Variants in AGMO observed in about 807,000 individuals in gnomAD.
The protein encoded by AGMO is glyceryl-ether monooxygenase.
A neutral mutation model predicts 60.2 loss-of-function variants in AGMO; 75 were observed. The observed-to-expected ratio is 1.25, with a 90% CI of 1.03 to 1.51. AGMO has a LOEUF of 1.51. AGMO is among the 40% of genes most tolerant of loss of function. AGMO has a pLI of 0.00. For synonymous variants in AGMO, 261 were observed against 177.1 expected (o/e 1.47, Z -3.76); for missense variants, 763 against 525.5 (o/e 1.45, Z -4.42).
chr7:15,421,584 G>A (rs971350607), intron 4 of AGMO, among the ~76,000 whole-genome samples: 1 of 152,108 alleles, frequency 6.6e-6, no homozygotes, highest in Non-Finnish European at 1.5e-5. Flanking sequence ...CATAGGAGTT[G>A]AGAGGTAAAT....
intron 10 of AGMO, among the ~76,000 whole-genome samples, chr7:15,380,395 G>T (rs186941244): frequency 3.3e-5 from 5 of 152,150 alleles, no homozygotes; most frequent in South Asian, 2.1e-4. Context: ...AATTAGGAAT[G>T]AACTCCCATT....
At chr7:15,151,695 T>A in the AGMO span, among the ~76,000 whole-genome samples, 20 of 152,276 alleles carry the variant, frequency 1.3e-4, no homozygotes, top group East Asian at 7.7e-4. Flanking sequence ...TGGGTCTTTT[T>A]AAAAATCTGT....
At chr7:15,165,632 A>G in the AGMO span, among the ~76,000 whole-genome samples, 1 of 152,216 alleles carries the variant, frequency 6.6e-6, no homozygotes, top group Non-Finnish European at 1.5e-5. Context: ...TGTAAAGAGT[A>G]GCATATCTGA....
intron 3 of AGMO, among the ~76,000 whole-genome samples, chr7:15,488,754 T>C (rs2128520124): frequency 6.6e-6 from 1 of 152,262 alleles, no homozygotes; most frequent in African/African-American, 2.4e-5. Context: ...AGAAAGATTT[T>C]ACATTTGCAT....
At chr7:15,323,709 A>G (rs535324859) in intron 12 of AGMO, among the ~76,000 whole-genome samples, 75 of 152,320 alleles carry the variant, frequency 4.9e-4, no homozygotes, top group African/African-American at 1.8e-3. Context: ...GGGATGGAAA[A>G]GACTGCCTCC....
the AGMO span, among the ~76,000 whole-genome samples, chr7:15,137,125 T>C: frequency 6.6e-6 from 1 of 152,198 alleles, no homozygotes; most frequent in East Asian, 1.9e-4. Flanking sequence ...TTCAAAATTA[T>C]TTTATCTTAG....
chr7:15,124,735 A>G, the AGMO span, among the ~76,000 whole-genome samples: 1 of 152,094 alleles, frequency 6.6e-6, no homozygotes, highest in East Asian at 1.9e-4. Context: ...CATTTGATTC[A>G]GGGATAATAT....
intron 3 of AGMO, among the ~76,000 whole-genome samples, chr7:15,532,368 G>A (rs548686970): frequency 3.3e-5 from 5 of 152,270 alleles, no homozygotes; most frequent in South Asian, 4.1e-4. Flanking sequence ...ATGTATTAAG[G>A]CTCTGGTGCA....
intron 12 of AGMO, among the ~76,000 whole-genome samples, chr7:15,359,582 A>G (rs972468124): frequency 6.6e-6 from 1 of 152,178 alleles, no homozygotes; most frequent in Non-Finnish European, 1.5e-5. Context: ...AGTCCAATGA[A>G]CAAAGGTAAT....
intron 4 of AGMO, among the ~76,000 whole-genome samples, chr7:15,428,856 T>C (rs894675366): frequency 4.0e-4 from 61 of 152,100 alleles, no homozygotes; most frequent in Admixed American, 2.6e-4. Flanking sequence ...TTCAGTTGTC[T>C]TTAATAAAAG....
rs543052626 is a variant in AGMO at position 15,276,601 on chromosome 7, T to G, written c.1264-75242A>C. Reference sequence around the variant, plus strand: ...TACATCTCTAGCAAAATCAAGAAAATTTTTCTTCATTATTCACTCAAATGT... The same window carrying G: ...TACATCTCTAGCAAAATCAAGAAAAGTTTTCTTCATTATTCACTCAAATGT... On this transcript the variant is annotated intron_variant, in intron 12 of 12. Transcript: ENST00000342526. 1.4e-4 allele frequency among the ~76,000 whole-genome samples: 22 copies of G among 152,274 alleles called. No homozygotes were observed. The South Asian group carries it at 4.3e-3, about 30-fold the overall frequency.
chr7:15,411,827 A>G (rs1780618773), intron 5 of AGMO, among the ~76,000 whole-genome samples: 1 of 152,072 alleles, frequency 6.6e-6, no homozygotes, highest in South Asian at 2.1e-4. Flanking sequence ...TGTGTTATTT[A>G]AAAGATAAAT....
chr7:15,426,158 C>T (rs1044624710), intron 4 of AGMO, among the ~76,000 whole-genome samples: 5 of 152,058 alleles, frequency 3.3e-5, no homozygotes, highest in African/African-American at 1.2e-4. Flanking sequence ...ACACATTCTA[C>T]CTTTTATTAG....
At chr7:15,552,154 T>TTCCTTAC (rs1784981278) in intron 2 of AGMO, among the ~76,000 whole-genome samples, 1 of 152,156 alleles carries the variant, frequency 6.6e-6, no homozygotes. Flanking sequence ...CCTTACACCC[T>TTCCTTAC]ATACAAAAAT....
At chr7:15,431,228 T>A (rs2128498380) in intron 3 of AGMO, 120 bp from the exon 4 acceptor site, 1 of 670,836 alleles carries the variant, frequency 1.5e-6, no homozygotes, top group Non-Finnish European at 2.6e-6. Context: ...CTGTAAAAGC[T>A]GGCCAATATA....
At chr7:15,473,003 T>C (rs1052300634) in intron 3 of AGMO, among the ~76,000 whole-genome samples, 1 of 151,916 alleles carries the variant, frequency 6.6e-6, no homozygotes, top group Admixed American at 6.6e-5. Context: ...AAGCTAATTT[T>C]CCTCAGTGTA....
At chr7:15,323,952 A>G (rs981481963) in intron 12 of AGMO, among the ~76,000 whole-genome samples, 2 of 152,234 alleles carry the variant, frequency 1.3e-5, no homozygotes, top group Admixed American at 6.5e-5. Context: ...TTAAAACTCA[A>G]GCTTGCCGCA....
chr7:15,517,126 G>T (rs1583635945), intron 3 of AGMO, among the ~76,000 whole-genome samples: 1 of 152,110 alleles, frequency 6.6e-6, no homozygotes, highest in African/African-American at 2.4e-5. Flanking sequence ...TAATGATTTT[G>T]AAAGTGTGTA....
chr7:15,314,099 GATA>G, intron 12 of AGMO, among the ~76,000 whole-genome samples: 1 of 152,152 alleles, frequency 6.6e-6, no homozygotes, highest in East Asian at 1.9e-4. Context: ...GTCAGCAGCA[GATA>G]ATGTTGATGA....
Sources: allele counts gnomAD v4.1 joint callset (sites outside exome capture counted in the v4.1 genomes callset), GRCh38; gene constraint gnomAD v4.1.1; transcripts MANE v1.5; gene names NCBI Gene and HGNC (gene_info 2026-07-23, HGNC 2026-07-21).